The following DOT1L variants were observed in gnomAD, a reference collection of about 807,000 sequenced individuals.
The protein encoded by DOT1L is histone-lysine N-methyltransferase, H3 lysine-79 specific.
A neutral mutation model predicts 153.3 loss-of-function variants in DOT1L; 33 were observed. That is an observed-to-expected ratio of 0.22 (90% CI 0.16 to 0.29). The LOEUF is 0.29. DOT1L is among the 10% of genes least tolerant of loss of function. The pLI, the probability that DOT1L is intolerant of heterozygous loss-of-function variation, is 1.00. For synonymous variants in DOT1L, 1,135 were observed against 965.1 expected, an observed-to-expected ratio of 1.18 and a Z score of -3.26; for missense variants, 1,847 against 2,119.9, an observed-to-expected ratio of 0.87 and a Z score of 2.53.
rs2022778532 is a variant in DOT1L at position 2,191,199 on chromosome 19, T to C, written c.452T>C (p.Ile151Thr). The change falls in exon 5 of 28, where the codon ATC (isoleucine) becomes ACC (threonine). Residue 151 changes from isoleucine (I) to threonine (T), a missense_variant. Physicochemically the swap from Ile to Thr is moderately conservative, Grantham distance 89. Coordinates refer to ENST00000398665, the MANE Select transcript of DOT1L (RefSeq NM_032482.3). The surrounding 1 kb of genome is among the most constrained non-coding windows in gnomAD (Gnocchi z 6.8). ...CTGGTGGCCCAGATGATTGATGAGA[T>C]CAAGATGACCGACGACGACCTGTTT... ...FDLVAQMIDE[I>T]KMTDDDLFVD... 6.2e-7 allele frequency: 1 copy of C among 1,613,368 alleles called. No individual in the cohort carries two copies. The highest frequency in any genetic ancestry group is 8.5e-7 in the Non-Finnish European group (1 of 1,179,940).
Position 2,230,554 on chromosome 19 carries a change from C to T in DOT1L, c.*762C>T, listed in dbSNP as rs529486883. On this transcript the variant is annotated 3_prime_UTR_variant, in exon 28 of 28. Transcript: ENST00000398665. Reference sequence around the variant, plus strand: ...TTTACTTTTGTATTTCTCGGCTGTCCATGGCTCGCAGCATGCCCTGCGATG... The same window carrying T: ...TTTACTTTTGTATTTCTCGGCTGTCTATGGCTCGCAGCATGCCCTGCGATG... 7.3e-5 allele frequency: 29 copies of T among 398,612 alleles called. No individual in the cohort carries two copies. Among genetic ancestry groups the T allele is most frequent in the Non-Finnish European group, 1.3e-5 (3 of 226,120 alleles). The allele number at this position is 398,612 out of a possible 1,614,324, so 24.7% of individuals were successfully genotyped here.
At chr19:2,169,051 G>A (rs559658172) in intron 1 of DOT1L, among the ~76,000 whole-genome samples, 3 of 152,226 alleles carry the variant, frequency 2.0e-5, no homozygotes, top group Non-Finnish European at 4.4e-5. Context: ...CTCACAGGCT[G>A]TGGGCGGGCA....
chr19:2,197,002 G>T lies in DOT1L; in HGVS notation c.651+2425G>T, dbSNP rs2023051633. On this transcript the variant is annotated intron_variant, in intron 7 of 27. Transcript: ENST00000398665. The surrounding 1 kb of genome is among the most constrained non-coding windows in gnomAD (Gnocchi z 4.1). ...GTTGCTGTGATGGGTTTCCAGTGCT[G>T]AACGCGTCCGCCTTGGTCGGCGTGC... Among the ~76,000 whole-genome samples, 1 of 152,202 alleles carries T rather than the reference G, an allele frequency of 6.6e-6. No homozygotes were observed. Among genetic ancestry groups the T allele is most frequent in the African/African-American group, 2.4e-5 (1 of 41,456 alleles).
In DOT1L at chr19:2,216,594, A is replaced by G; in HGVS notation, c.2237A>G (p.Glu746Gly). 3.7e-6 allele frequency: 6 copies of G among 1,608,122 alleles called. No individual in the cohort carries two copies. The highest frequency in any genetic ancestry group is 5.1e-6 in the Non-Finnish European group (6 of 1,179,898). The change falls in exon 20 of 28, where the codon GAG becomes GGG. Residue 746 changes from glutamate (E) to glycine (G), a missense_variant. Physicochemically the swap from Glu to Gly is moderately conservative, Grantham distance 98 (BLOSUM62 -2). This residue lies in a region of DOT1L where 281 missense variants were observed against 263.6 expected (regional missense o/e 1.07). Coordinates refer to ENST00000398665, the MANE Select transcript of DOT1L (RefSeq NM_032482.3). ...TACCTGGCCTCACCCCTGGACCAGG[A>G]GGTGGTGCCCTGTACCCCTAGCCAC... is the stretch of plus-strand genomic sequence containing the variant. ...PQYLASPLDQ[E>G]VVPCTPSHVG...
At chr19:2,212,547 T>C (rs1270967282) in intron 16 of DOT1L, 2 of 152,270 alleles carry the variant, frequency 1.3e-5, no homozygotes, top group Non-Finnish European at 2.9e-5. Context: ...ATTTGACTTA[T>C]GATCTAAGTA....
Position 2,181,763 on chromosome 19 carries a change from ACCAGCCCCAGCC to A in DOT1L, c.125+1033_125+1044del, listed in dbSNP as rs899034866. On this transcript the variant is annotated intron_variant, in intron 2 of 27. Coordinates refer to ENST00000398665, the MANE Select transcript of DOT1L (RefSeq NM_032482.3). ...GACCCCAGCCCAGCCCCCGCCCAGC[ACCAGCCCCAGCC>A]CCAGCCCCAGCCCCAGCCCCAGCCC... Among the ~76,000 whole-genome samples the A allele has an allele frequency of 1.5e-3, 209 of 138,588 alleles. No homozygotes were observed. The Middle Eastern group carries it at 0.017, about 12-fold the overall frequency. 90.9% of individuals were successfully genotyped at this position (138,588 alleles called of 152,430 possible). A position where few individuals can be genotyped will look rare whatever the true frequency, so the allele number is the denominator to read the frequency against.
chr19:2,164,132 C>A lies in DOT1L; in HGVS notation c.-53C>A. 1.0e-6 allele frequency: 1 copy of A among 1,002,030 alleles called. No homozygotes were observed. The highest frequency in any genetic ancestry group is 1.2e-6 in the Non-Finnish European group (1 of 811,208). The allele number at this position is 1,002,030 out of a possible 1,614,324, so 62.1% of individuals were successfully genotyped here. ...GCCCTCCTCCGCCCACCGGCGGCCC[C>A]GCCCCTCCCCCAACCGCCCGCCTAG... On this transcript the variant is annotated 5_prime_UTR_variant, in exon 1 of 28. Coordinates refer to ENST00000398665, the MANE Select transcript of DOT1L (RefSeq NM_032482.3).
intron 1 of DOT1L, among the ~76,000 whole-genome samples, chr19:2,171,490 C>T (rs955861478): frequency 7.2e-5 from 11 of 152,130 alleles, no homozygotes; most frequent in Admixed American, 6.6e-5. Flanking sequence ...TTGTCACCAC[C>T]GGGGTGGGGG....
At chr19:2,224,853 G>C (rs183800206) in intron 25 of DOT1L, among the ~76,000 whole-genome samples, 3 of 152,222 alleles carry the variant, frequency 2.0e-5, no homozygotes, top group African/African-American at 7.2e-5. Flanking sequence ...TGGATGCTCT[G>C]TTTTGCATTG....
rs1309942024 is a variant in DOT1L at position 2,212,110 on chromosome 19, A to G, written c.1557+268A>G. On this transcript the variant is annotated intron_variant, in intron 16 of 27. Coordinates refer to ENST00000398665, the MANE Select transcript of DOT1L (RefSeq NM_032482.3). ...ACACCCAGCACAGTTTGAACAAGCA[A>G]CCTTCCCCCTAGTGCACAGGTCCCT... 12 of 412,040 alleles carry G rather than the reference A, an allele frequency of 2.9e-5. No individual in the cohort carries two copies. The East Asian group carries it at 3.4e-4, about 12-fold the overall frequency. 25.5% of individuals were successfully genotyped at this position (412,040 alleles called of 1,614,324 possible).
chr19:2,211,234 G>C, intron 15 of DOT1L, 22 bp downstream of exon 15: 1 of 1,580,350 alleles, frequency 6.3e-7, no homozygotes, highest in Non-Finnish European at 8.6e-7. Flanking sequence ...TGAGGCGTCC[G>C]GCGAAGGGTT....
intron 10 of DOT1L, 123 bp downstream of exon 10, chr19:2,206,920 G>A: frequency 1.0e-6 from 1 of 966,174 alleles, no homozygotes; most frequent in Non-Finnish European, 1.6e-6. Context: ...TGTGGGGTGG[G>A]GCTGTCCTGG....
At chr19:2,212,018 G>A in intron 16 of DOT1L, 176 bp downstream of exon 16, 4 of 610,654 alleles carry the variant, frequency 6.6e-6, no homozygotes, top group South Asian at 6.3e-5. Flanking sequence ...AATGGACTGA[G>A]AGACCCGGAA....
At chr19:2,173,032 T>C (rs899374709) in intron 1 of DOT1L, among the ~76,000 whole-genome samples, 3 of 151,916 alleles carry the variant, frequency 2.0e-5, no homozygotes, top group Non-Finnish European at 4.4e-5. Context: ...TGTTTTAGTA[T>C]ATTCACAGAT....
In DOT1L at chr19:2,168,412, C is replaced by T. The variant is rs545190736; in HGVS notation, c.81+4147C>T. ...GGTCCCCAGGGAGGGGCTGCCACTT[C>T]TGCCCTGGGGGACCTGTGGGTGGCT... On this transcript the variant is annotated intron_variant, in intron 1 of 27. Transcript: ENST00000398665. 2.0e-4 allele frequency among the ~76,000 whole-genome samples: 31 copies of T among 152,342 alleles called. No homozygotes were observed. The South Asian group carries it at 5.6e-3, about 27-fold the overall frequency.
rs543848994 is a variant in DOT1L, at chr19:2,221,548, C to T, written c.2807-428C>T. 19 of 179,916 alleles carry T rather than the reference C, an allele frequency of 1.1e-4. 1 individual carries two copies. The South Asian group carries it at 3.1e-3, about 29-fold the overall frequency. 11.1% of individuals were successfully genotyped at this position (179,916 alleles called of 1,614,324 possible). ...AGCATGGCTGCGGCCTTCAAGGCGGCCATAGCTTGGAGTATCCAAGCTGAG... is the reference window on the plus strand; with the variant it reads ...AGCATGGCTGCGGCCTTCAAGGCGGTCATAGCTTGGAGTATCCAAGCTGAG... On this transcript the variant is annotated intron_variant, in intron 23 of 27. Transcript: ENST00000398665.
intron 7 of DOT1L, among the ~76,000 whole-genome samples, chr19:2,199,044 G>A (rs138260187): frequency 1.3e-5 from 2 of 152,186 alleles, no homozygotes; most frequent in Admixed American, 1.3e-4. Flanking sequence ...GCTTTTGTGT[G>A]GACATGTTTT....
chr19:2,232,080 CTG>C lies in DOT1L; in HGVS notation c.*2289_*2290del, dbSNP rs1307303871. The C allele has an allele frequency of 1.9e-5, 4 of 210,998 alleles. No individual in the cohort carries two copies. The Middle Eastern group carries it at 4.5e-3, about 240-fold the overall frequency. The allele number at this position is 210,998 out of a possible 1,614,324, so 13.1% of individuals were successfully genotyped here. The stretch of plus-strand genomic sequence containing the variant: ...GCGGGTGGCAGGGTGGCTGTGGAGA[CTG>C]GGGATCTGGAGCCTGGTGCTGGCAC... On this transcript the variant is annotated 3_prime_UTR_variant, in exon 28 of 28. Coordinates refer to ENST00000398665, the MANE Select transcript of DOT1L (RefSeq NM_032482.3).
intron 12 of DOT1L, among the ~76,000 whole-genome samples, 173 bp from the exon 13 acceptor site, chr19:2,210,227 A>G (rs1035456629): frequency 2.0e-5 from 3 of 152,246 alleles, no homozygotes; most frequent in Admixed American, 6.5e-5. Context: ...CGGGGCCCCA[A>G]GCAGCCCACT....
Sources: gnomAD v4.1 joint callset for allele counts (sites outside exome capture counted in the v4.1 genomes callset) on GRCh38, gnomAD v4.1.1 for gene constraint, gnomAD v4.1.1 regional missense constraint, Gnocchi (gnomAD v3.1) non-coding constraint, MANE v1.5 for transcripts, NCBI Gene and HGNC (gene_info 2026-07-23, HGNC 2026-07-21) for gene names.